FMO5: variants seen among roughly 807,000 people sequenced by gnomAD.
The protein encoded by FMO5 is flavin-containing monooxygenase 5.
A neutral mutation model predicts 43.6 loss-of-function variants in FMO5; 51 were observed. That is an observed-to-expected ratio of 1.17 (90% CI 0.93 to 1.48). The LOEUF (loss-of-function observed/expected upper bound fraction) is 1.48, where lower values mean the gene tolerates loss of function less well. Ranked by LOEUF, FMO5 falls within the 40% of genes most tolerant of loss-of-function variation. The probability of loss-of-function intolerance (pLI) is 0.00; values close to 1 mark genes in which losing one functional copy is unlikely to be tolerated. For missense variants in FMO5, 644 were observed against 643.0 expected (o/e 1.00, Z -0.02); for synonymous variants, 187 against 216.5 (o/e 0.86, Z 1.20).
At chr1:147,225,162 G>A in intron 1 of FMO5, 96 bp from the exon 2 acceptor site, 1 of 1,522,586 alleles carries the variant, frequency 6.6e-7, no homozygotes, top group Non-Finnish European at 8.8e-7. Context: ...CTGTACAAGA[G>A]GTGTCTTGAG....
intron 8 of FMO5, among the ~76,000 whole-genome samples, chr1:147,189,337 C>T (rs951633162): frequency 6.6e-6 from 1 of 150,892 alleles, no homozygotes; most frequent in Non-Finnish European, 1.5e-5. Flanking sequence ...CTTAGGGAGG[C>T]AGCAAAAGGT....
At chr1:147,206,497 G>A (rs1227085704) in intron 6 of FMO5, among the ~76,000 whole-genome samples, 2 of 152,044 alleles carry the variant, frequency 1.3e-5, no homozygotes, top group African/African-American at 2.4e-5. Flanking sequence ...ACAATAGCAA[G>A]GACTTGGAAC....
In FMO5 at chr1:147,212,492, A is replaced by C. The variant is rs200936105; in HGVS notation, c.531T>G (p.Tyr177Ter). 7.7e-5 allele frequency: 125 copies of C among 1,613,798 alleles called. 1 individual carries two copies. Among genetic ancestry groups the C allele is most frequent in the Admixed American group, 4.0e-4 (24 of 60,004 alleles). ...TTCCAGTGAATCCCTCTGGGTTCTTATAGTCTCGACTGTGGAAGTACTGCC... is the reference window on the plus strand; with the variant it reads ...TTCCAGTGAATCCCTCTGGGTTCTTCTAGTCTCGACTGTGGAAGTACTGCC... The part of the protein sequence containing the change: ...FKGQYFHSRD[Y>*]KNPEGFTGKR... The change falls in exon 5 of 9, where the codon TAT (tyrosine) becomes TAG (stop). Residue 177 changes from tyrosine (Y) to a stop codon, truncating the protein, a stop_gained. Coordinates refer to ENST00000254090, the MANE Select transcript of FMO5 (RefSeq NM_001461.4). LOFTEE classifies it high-confidence loss of function.
At chr1:147,192,449 G>T (rs1295022007) in intron 7 of FMO5, among the ~76,000 whole-genome samples, 2 of 151,958 alleles carry the variant, frequency 1.3e-5, no homozygotes, top group Admixed American at 6.6e-5. Flanking sequence ...CAATCATGTC[G>T]TCTGCAAACA....
At chr1:147,194,332 C>T (rs1199249265) in intron 7 of FMO5, among the ~76,000 whole-genome samples, 2 of 152,194 alleles carry the variant, frequency 1.3e-5, no homozygotes, top group East Asian at 3.9e-4. Context: ...ATTGCAACCC[C>T]TGCCTTTTTT....
At chr1:147,205,939 T>C (rs1233323369) in intron 6 of FMO5, among the ~76,000 whole-genome samples, 1 of 151,964 alleles carries the variant, frequency 6.6e-6, no homozygotes, top group Non-Finnish European at 1.5e-5. Flanking sequence ...ACTAAAGAGC[T>C]TCTGCACAGC....
At chr1:147,204,096 CTT>C in intron 6 of FMO5, 1 of 1,069,422 alleles carries the variant, frequency 9.4e-7, no homozygotes, top group Non-Finnish European at 1.5e-6. Context: ...ATAGCTTTGA[CTT>C]ATGCATCCAT....
intron 7 of FMO5, among the ~76,000 whole-genome samples, chr1:147,197,574 C>T (rs183313001): frequency 1.4e-4 from 21 of 152,158 alleles, no homozygotes; most frequent in East Asian, 5.8e-4. Flanking sequence ...TGAGTTCTCA[C>T]GAGATCTGAT....
At chr1:147,206,738 G>A (rs1660132271) in intron 6 of FMO5, among the ~76,000 whole-genome samples, 1 of 152,044 alleles carries the variant, frequency 6.6e-6, no homozygotes, top group Non-Finnish European at 1.5e-5. Context: ...ACAGGAAGGG[G>A]AACATCACAC....
Position 147,209,023 on chromosome 1 carries a change from CAAGCCCCT to C in FMO5, c.651_658del (p.Gly218AspfsTer13). On this transcript the variant is annotated frameshift_variant, in exon 6 of 9. Transcript: ENST00000254090. LOFTEE classifies it high-confidence loss of function. Reference sequence around the variant, plus strand: ...GTAGTCCCCTACACGATTCAGGATCCAAGCCCCTCTCCTGGTGCTGAGGAAAACCTGGG... The same window carrying C: ...GTAGTCCCCTACACGATTCAGGATCCCTCCTGGTGCTGAGGAAAACCTGGG... The C allele has an allele frequency of 6.2e-7, 1 of 1,614,148 alleles. No homozygotes were observed. The highest frequency in any genetic ancestry group is 8.5e-7 in the Non-Finnish European group (1 of 1,179,996).
intron 2 of FMO5, among the ~76,000 whole-genome samples, chr1:147,216,414 T>TAATA (rs147985439): frequency 0.037 from 5,591 of 152,140 alleles, 143 homozygotes; most frequent in South Asian, 0.095. Flanking sequence ...TAACACTGAG[T>TAATA]AATAGTCTTT....
In FMO5 at chr1:147,213,468, G is replaced by A. The variant is rs1553924270; in HGVS notation, c.327C>T (p.Thr109=). The A allele has an allele frequency of 1.3e-6, 2 of 1,597,316 alleles. No homozygotes were observed. The highest frequency in any genetic ancestry group is 2.2e-5 in the East Asian group (1 of 44,640). The change falls in exon 4 of 9, where the codon ACC becomes ACT. Residue 109 remains threonine (T), a splice_region_variant and synonymous_variant. Coordinates refer to ENST00000254090, the MANE Select transcript of FMO5 (RefSeq NM_001461.4). Reference sequence around the variant, plus strand: ...GCTGCTTCTTCACACTGCACACAGTGGTCTGAAAAGAAAAGTGATAACCAC... The same window carrying A: ...GCTGCTTCTTCACACTGCACACAGTAGTCTGAAAAGAAAAGTGATAACCAC... ...FDLLKYIRFK[T]TVCSVKKQPD... is the part of the protein sequence containing the mutation.
At chr1:147,192,685 C>T (rs1167766741) in intron 7 of FMO5, among the ~76,000 whole-genome samples, 1 of 152,096 alleles carries the variant, frequency 6.6e-6, no homozygotes, top group Non-Finnish European at 1.5e-5. Context: ...AGATACATCC[C>T]ATCGATACCT....
chr1:147,209,945 C>T (rs1474247490), intron 5 of FMO5: 5 of 152,224 alleles, frequency 3.3e-5, no homozygotes, highest in African/African-American at 4.8e-5. Flanking sequence ...CTCCTAATTT[C>T]TGTCTCTTCA....
intron 6 of FMO5, chr1:147,203,477 T>C: frequency 1.2e-6 from 1 of 833,540 alleles, no homozygotes; most frequent in Non-Finnish European, 2.1e-6. Context: ...ACAGCCTCAG[T>C]ATCTAATCCA....
chr1:147,221,603 A>G (rs1553926288), intron 2 of FMO5, among the ~76,000 whole-genome samples: 1 of 152,220 alleles, frequency 6.6e-6, no homozygotes, highest in Non-Finnish European at 1.5e-5. Context: ...GATATTTAGA[A>G]AGTCCCTCTG....
At chr1:147,224,793 T>A (rs28381170) in intron 2 of FMO5, 102 bp downstream of exon 2, 12,457 of 1,154,048 alleles carry the variant, frequency 0.011, 125 homozygotes, top group Middle Eastern at 0.025. Context: ...TACAGGCGTG[T>A]GCCAACCGCG....
chr1:147,224,892 T>C lies in FMO5; in HGVS notation c.135+3A>G, dbSNP rs1663756151. The C allele has an allele frequency of 8.1e-6, 13 of 1,613,822 alleles. No individual in the cohort carries two copies. The highest frequency in any genetic ancestry group is 1.0e-5 in the Non-Finnish European group (12 of 1,179,876). On this transcript the variant is annotated splice_donor_region_variant and intron_variant, in intron 2 of 8. Coordinates refer to ENST00000254090, the MANE Select transcript of FMO5 (RefSeq NM_001461.4). Reference sequence around the variant, plus strand: ...GTATTAAGGGACTAGGAGATGTATGTACCTGGAACCTCCAGAGCCCTCCGA... The same window carrying C: ...GTATTAAGGGACTAGGAGATGTATGCACCTGGAACCTCCAGAGCCCTCCGA...
upstream of FMO5, among the ~76,000 whole-genome samples, chr1:147,226,398 A>G (rs1161151753): frequency 1.3e-5 from 2 of 152,216 alleles, no homozygotes; most frequent in African/African-American, 4.8e-5. Flanking sequence ...AGATTAGTGG[A>G]GGAGACCAAA....
Sources: gnomAD v4.1 joint callset for allele counts (sites outside exome capture counted in the v4.1 genomes callset) on GRCh38, gnomAD v4.1.1 for gene constraint, MANE v1.5 for transcripts, NCBI Gene and HGNC (gene_info 2026-07-23, HGNC 2026-07-21) for gene names.